The following USP9X variants were observed in gnomAD, a reference collection of about 807,000 sequenced individuals.
The protein encoded by USP9X is ubiquitin carboxyl-terminal hydrolase 9X.
Under a neutral mutation model 190.3 loss-of-function variants are expected in USP9X, and 7 were observed. The observed-to-expected ratio is 0.04, with a 90% CI of 0.02 to 0.07. The LOEUF (loss-of-function observed/expected upper bound fraction) is 0.07, where lower values mean the gene tolerates loss of function less well. Ranked by LOEUF, USP9X falls within the 10% of genes least tolerant of loss-of-function variation. USP9X has a pLI of 1.00. For missense variants in USP9X, 1,010 were observed against 1,916.9 expected, an observed-to-expected ratio of 0.53 and a Z score of 8.83; for synonymous variants, 645 against 659.5, an observed-to-expected ratio of 0.98 and a Z score of 0.34.
chrX:41,125,007 T>C (rs1034317577), intron 2 of USP9X, among the ~76,000 whole-genome samples: 3 of 112,213 alleles, frequency 2.7e-5, no homozygotes, highest in Non-Finnish European at 5.6e-5. Flanking sequence ...TCTTCATTAA[T>C]TGTTTGGAAG....
chrX:41,117,802 G>C (rs1238192553), intron 1 of USP9X, among the ~76,000 whole-genome samples: 2 of 108,087 alleles, frequency 1.9e-5, no homozygotes, highest in Non-Finnish European at 3.8e-5. Flanking sequence ...CTCGTGATCC[G>C]CACACCTTGG....
chrX:41,175,296 G>A (rs1247484459), intron 21 of USP9X, among the ~76,000 whole-genome samples: 1 of 111,123 alleles, frequency 9.0e-6, no homozygotes, highest in African/African-American at 3.3e-5. Context: ...TGAGGCAGGA[G>A]GATCACTGGA....
At chrX:41,125,684 A>ACACTCTCTCTCTCTCTCT in intron 2 of USP9X, among the ~76,000 whole-genome samples, 1 of 19,025 alleles carries the variant, frequency 5.3e-5, no homozygotes, top group African/African-American at 2.2e-4. Flanking sequence ...ACACACACAC[A>ACACTCTCTCTCTCTCTCT]CTCTCTCTCT....
In USP9X at chrX:41,137,892, T is replaced by TC. The variant is rs1277384790; in HGVS notation, c.654+871dup. 1.3e-4 allele frequency among the ~76,000 whole-genome samples: 14 copies of TC among 110,907 alleles called. 1 individual carries two copies. The Admixed American group carries it at 1.3e-3, about 11-fold the overall frequency. On this transcript the variant is annotated intron_variant, in intron 6 of 44. Coordinates refer to ENST00000378308, the MANE Select transcript of USP9X (RefSeq NM_001039591.3). The stretch of plus-strand genomic sequence containing the variant: ...CTTTTTAAATTTTACTTTTTTTTTT[T>TC]CTCTATGTGCCAGTAATCCACAACT...
At chrX:41,123,060 G>A (rs989004186) in intron 1 of USP9X, among the ~76,000 whole-genome samples, 3 of 111,640 alleles carry the variant, frequency 2.7e-5, no homozygotes, top group Non-Finnish European at 5.7e-5. Context: ...AGGAATGCCT[G>A]TTCTCATTTA....
Position 41,197,355 on chromosome X carries a change from C to A in USP9X, c.4234-9C>A. The A allele has an allele frequency of 2.0e-6, 2 of 981,922 alleles. No individual in the cohort carries two copies. Among genetic ancestry groups the A allele is most frequent in the African/African-American group, 2.1e-5 (1 of 47,969 alleles). The allele number at this position is 981,922 out of a possible 1,213,427, so 80.9% of individuals were successfully genotyped here. ...TTCCCCCCCCCACCCCACCCCCCGC[C>A]TTTGGCAGGATGATGTTAAAAGAAC... On this transcript the variant is annotated splice_polypyrimidine_tract_variant and intron_variant, in intron 28 of 44. Transcript: ENST00000378308.
chrX:41,151,141 C>G (rs2062521109), intron 13 of USP9X, 84 bp downstream of exon 13: 1 of 981,015 alleles, frequency 1.0e-6, no homozygotes, highest in Admixed American at 3.6e-5. Context: ...CTGGCAAATG[C>G]AAATTTTTAA....
chrX:41,234,712 C>T lies in USP9X; in HGVS notation c.*2188C>T, dbSNP rs1234029851. The T allele has an allele frequency of 9.0e-6, 1 of 111,067 alleles. No individual in the cohort carries two copies. The highest frequency in any genetic ancestry group is 2.8e-4 in the East Asian group (1 of 3,571). 9.2% of individuals were successfully genotyped at this position (111,067 alleles called of 1,213,427 possible). On this transcript the variant is annotated 3_prime_UTR_variant, in exon 45 of 45. Coordinates refer to ENST00000378308, the MANE Select transcript of USP9X (RefSeq NM_001039591.3). ...AGTAGCTGGGATTAGAGGTGCCCAC[C>T]ACCACGCCCAGCTAATTTTTGTATT...
chrX:41,097,067 A>G (rs1476987021), intron 1 of USP9X, among the ~76,000 whole-genome samples: 1 of 111,360 alleles, frequency 9.0e-6, no homozygotes, highest in Admixed American at 9.6e-5. Context: ...GCTTTATTTT[A>G]TTTAGAATCC....
intron 6 of USP9X, among the ~76,000 whole-genome samples, chrX:41,139,871 G>C (rs2062407207): frequency 9.0e-6 from 1 of 111,535 alleles, no homozygotes; most frequent in Non-Finnish European, 1.9e-5. Context: ...CTAAATTTTA[G>C]AAGGTGGCAA....
chrX:41,195,775 A>G lies in USP9X; in HGVS notation c.3978-476A>G, dbSNP rs969432034. On this transcript the variant is annotated intron_variant, in intron 26 of 44. Transcript: ENST00000378308. ...TCTGACAGGAGGCGGAGCTCAGGCC[A>G]TAATGCTCATTTGGCCTTCTGGCCT... 7.1e-5 allele frequency: 19 copies of G among 267,153 alleles called. No homozygotes were observed. The East Asian group carries it at 1.5e-3, about 22-fold the overall frequency. 22.0% of individuals were successfully genotyped at this position (267,153 alleles called of 1,213,427 possible). A position where few individuals can be genotyped will look rare whatever the true frequency, so the allele number is the denominator to read the frequency against.
At chrX:41,166,398 C>T (rs2062678844) in intron 16 of USP9X, among the ~76,000 whole-genome samples, 184 bp downstream of exon 16, 1 of 111,732 alleles carries the variant, frequency 8.9e-6, no homozygotes, top group African/African-American at 3.3e-5. Flanking sequence ...CTCTCTTCCT[C>T]TCCCTCCTCC....
In USP9X at chrX:41,086,102, G is replaced by A. The variant is rs2061908347; in HGVS notation, c.-166G>A. ...GCCCTGGTTGTGAGAAGACGTCTGT[G>A]TCGTGCGGTGAGTGGCCAGCTGCAC... On this transcript the variant is annotated 5_prime_UTR_variant, in exon 1 of 45. Transcript: ENST00000378308. The A allele has an allele frequency of 6.8e-6, 2 of 295,758 alleles. No individual in the cohort carries two copies. The highest frequency in any genetic ancestry group is 1.2e-5 in the Non-Finnish European group (2 of 170,075). 24.4% of individuals were successfully genotyped at this position (295,758 alleles called of 1,213,427 possible). A position where few individuals can be genotyped will look rare whatever the true frequency, so the allele number is the denominator to read the frequency against.
At chrX:41,136,263 C>G (rs935823962) in intron 5 of USP9X, among the ~76,000 whole-genome samples, 1 of 111,257 alleles carries the variant, frequency 9.0e-6, no homozygotes, top group Non-Finnish European at 1.9e-5. Context: ...TGGGTTCGAG[C>G]TATTCTCATG....
chrX:41,155,608 G>A (rs2147087369), intron 14 of USP9X, among the ~76,000 whole-genome samples: 1 of 111,449 alleles, frequency 9.0e-6, no homozygotes, highest in Non-Finnish European at 1.9e-5. Context: ...TTTTAGGAAC[G>A]TTTTCCACAC....
At chrX:41,202,463 G>A (rs1414450568) in intron 31 of USP9X, among the ~76,000 whole-genome samples, 1 of 112,095 alleles carries the variant, frequency 8.9e-6, no homozygotes, top group Admixed American at 9.5e-5. Flanking sequence ...GTGATAGTGG[G>A]AACTGAAGAG....
At chrX:41,091,829 A>G (rs1239422189) in intron 1 of USP9X, among the ~76,000 whole-genome samples, 9 of 111,960 alleles carry the variant, frequency 8.0e-5, no homozygotes, top group African/African-American at 2.9e-4. Flanking sequence ...ATATGTGTCA[A>G]ATCACATTAA....
rs1170764404 is a variant in USP9X at position 41,189,348 on chromosome X, G to C, written c.3850G>C (p.Val1284Leu). ...GNEPDLEDEQ[V>L]CCEALEVMTL... is the part of the protein sequence containing the mutation. ...TGAGCCAGACTTGGAAGACGAACAG[G>C]TTTGCTGTGAAGCATTGGAAGTGAT... Residue 1284 changes from valine (V) to leucine (L), a missense_variant, in exon 26 of 45, where the codon GTT (valine) becomes CTT (leucine). Around this residue, in one of 11 missense-constraint regions of USP9X, gnomAD observed 351 missense variants for 480.8 expected, o/e 0.73. Transcript: ENST00000378308. The C allele has an allele frequency of 8.3e-7, 1 of 1,209,952 alleles. No homozygotes were observed. Among genetic ancestry groups the C allele is most frequent in the Non-Finnish European group, 1.1e-6 (1 of 894,875 alleles).
chrX:41,158,503 G>T (rs995048333), intron 14 of USP9X, among the ~76,000 whole-genome samples: 6 of 110,484 alleles, frequency 5.4e-5, no homozygotes, highest in Non-Finnish European at 1.1e-4. Flanking sequence ...TTTAAAATCT[G>T]AAGGCAAGCT....
Sources: allele counts gnomAD v4.1 joint callset (sites outside exome capture counted in the v4.1 genomes callset), GRCh38; gene constraint gnomAD v4.1.1; regional missense constraint gnomAD v4.1.1; transcripts MANE v1.5; gene names NCBI Gene and HGNC (gene_info 2026-07-23, HGNC 2026-07-21).